The following CNTN5 variants were observed in gnomAD, a reference collection of about 807,000 sequenced individuals.
CNTN5 encodes contactin-5.
A neutral mutation model predicts 129.1 loss-of-function variants in CNTN5; 77 were observed. That is an observed-to-expected ratio of 0.60 (90% CI 0.50 to 0.72). The LOEUF is 0.72. Among genes scored for constraint, CNTN5 ranks in the 30% least tolerant of loss-of-function variants. The pLI is 0.00. For missense variants in CNTN5, 1,478 were observed against 1,328.8 expected (o/e 1.11, Z -1.75); for synonymous variants, 509 against 465.6 (o/e 1.09, Z -1.20).
intron 2 of CNTN5, among the ~76,000 whole-genome samples, chr11:99,537,779 C>T (rs115626773): frequency 6.6e-6 from 1 of 152,236 alleles, no homozygotes; most frequent in African/African-American, 2.4e-5. Flanking sequence ...GTTAGGAACA[C>T]AGTACCCCGT....
intron 3 of CNTN5, among the ~76,000 whole-genome samples, chr11:99,770,156 T>TA (rs1226568895): frequency 2.0e-5 from 3 of 152,132 alleles, no homozygotes; most frequent in African/African-American, 7.2e-5. Flanking sequence ...GTGATAATGC[T>TA]AAAAAAGTCA....
At chr11:100,232,296 T>C (rs567421140) in intron 16 of CNTN5, among the ~76,000 whole-genome samples, 98 of 152,180 alleles carry the variant, frequency 6.4e-4, no homozygotes, top group Non-Finnish European at 1.3e-3. Flanking sequence ...CAAGAGCTAC[T>C]GTGTGAAAAC....
At chr11:99,956,785 C>T in intron 7 of CNTN5, 21 bp from the exon 8 acceptor site, 1 of 1,604,570 alleles carries the variant, frequency 6.2e-7, no homozygotes, top group Non-Finnish European at 8.5e-7. Flanking sequence ...CTTTCGTTGA[C>T]CAAATTTTGT....
chr11:99,707,915 C>CA (rs1400612750), intron 3 of CNTN5, among the ~76,000 whole-genome samples: 5 of 151,450 alleles, frequency 3.3e-5, no homozygotes, highest in African/African-American at 1.2e-4. Context: ...AATAATAACA[C>CA]ACATAAATAC....
At position 99,598,329 on chromosome 11, in the gene CNTN5, CCTCTCT is replaced by C. The variant is rs1163753320; in HGVS notation, c.55+42100_55+42105del. On this transcript the variant is annotated intron_variant, in intron 3 of 24. Transcript: ENST00000524871. ...CTTTTCTTTTCTTTTCTTTTCTGTC[CCTCTCT>C]CTCTCTCTCTCTCTCTCTCTCTCTC... Among the ~76,000 whole-genome samples the C allele has an allele frequency of 3.2e-3, 41 of 12,654 alleles. 5 individuals are homozygous for C. The highest frequency in any genetic ancestry group is 0.012 in the African/African-American group (34 of 2,838). 8.3% of individuals were successfully genotyped at this position (12,654 alleles called of 152,430 possible). A position where few individuals can be genotyped will look rare whatever the true frequency, so the allele number is the denominator to read the frequency against.
chr11:99,153,245 T>A (rs1300694132), intron 1 of CNTN5, among the ~76,000 whole-genome samples: 1 of 152,170 alleles, frequency 6.6e-6, no homozygotes, highest in East Asian at 1.9e-4. Context: ...AGTTTCCAAG[T>A]TGGTTGCTTT....
At chr11:99,706,854 T>TA (rs1954777880) in intron 3 of CNTN5, among the ~76,000 whole-genome samples, 1 of 149,264 alleles carries the variant, frequency 6.7e-6, no homozygotes, top group Admixed American at 6.7e-5. Flanking sequence ...TTTTTTTTTT[T>TA]AAGCTATAAG....
intron 3 of CNTN5, among the ~76,000 whole-genome samples, chr11:99,612,989 G>A (rs1950636895): frequency 6.6e-6 from 1 of 152,128 alleles, no homozygotes; most frequent in African/African-American, 2.4e-5. Context: ...CCAGGGAATT[G>A]GCAGGTTTCA....
At chr11:99,971,413 C>T (rs1323767871) in intron 8 of CNTN5, among the ~76,000 whole-genome samples, 1 of 151,750 alleles carries the variant, frequency 6.6e-6, no homozygotes, top group Non-Finnish European at 1.5e-5. Context: ...CGTGGTGGTG[C>T]GCGCCTGTAG....
intron 8 of CNTN5, among the ~76,000 whole-genome samples, chr11:99,973,711 G>A (rs1937737106): frequency 6.6e-6 from 1 of 151,966 alleles, no homozygotes; most frequent in African/African-American, 2.4e-5. Context: ...ATCCTGCAAG[G>A]ATTCTGGATT....
intron 10 of CNTN5, among the ~76,000 whole-genome samples, chr11:100,063,827 C>T (rs552364168): frequency 4.6e-5 from 7 of 152,104 alleles, no homozygotes; most frequent in South Asian, 4.1e-4. Flanking sequence ...GTCAACGCTG[C>T]GGTGAACCAT....
chr11:99,348,213 C>T (rs1938039754), intron 2 of CNTN5, among the ~76,000 whole-genome samples: 1 of 152,104 alleles, frequency 6.6e-6, no homozygotes, highest in African/African-American at 2.4e-5. Context: ...GTGGCAGGCG[C>T]CTGTAGTTCC....
In CNTN5 at chr11:99,556,149, C is replaced by A; in HGVS notation, c.-66C>A. On this transcript the variant is annotated 5_prime_UTR_variant, in exon 3 of 25. Transcript: ENST00000524871. ...ATTGTTATCTATCTCAAACAGGGCA[C>A]TCTTTAATGAAGAAACACCAGAGCT... 1 of 903,820 alleles carries A rather than the reference C, an allele frequency of 1.1e-6. No individual in the cohort carries two copies. Among genetic ancestry groups the A allele is most frequent in the Non-Finnish European group, 1.6e-6 (1 of 612,622 alleles). The allele number at this position is 903,820 out of a possible 1,614,324, so 56.0% of individuals were successfully genotyped here.
At chr11:99,262,045 C>A (rs1348296862) in intron 1 of CNTN5, among the ~76,000 whole-genome samples, 1 of 151,966 alleles carries the variant, frequency 6.6e-6, no homozygotes, top group East Asian at 1.9e-4. Context: ...ATGCTTAAAC[C>A]ATACTGGTGA....
chr11:99,161,972 T>C lies in CNTN5; in HGVS notation c.-210+140702T>C, dbSNP rs115147198. 1.4e-3 allele frequency among the ~76,000 whole-genome samples: 206 copies of C among 152,306 alleles called. 2 individuals are homozygous for C. Among genetic ancestry groups the C allele is most frequent in the African/African-American group, 4.7e-3 (197 of 41,568 alleles). ...CTATGATGCCTTACCTAACATCCAT[T>C]TAGAATTAATCCCTCTTTGTGCTTA... On this transcript the variant is annotated intron_variant, in intron 1 of 24. Coordinates refer to ENST00000524871, the MANE Select transcript of CNTN5 (RefSeq NM_014361.4).
At chr11:100,070,586 T>C in intron 11 of CNTN5, 26 bp downstream of exon 11, 1 of 1,610,354 alleles carries the variant, frequency 6.2e-7, no homozygotes, top group East Asian at 2.2e-5. Flanking sequence ...ATTAACCTGT[T>C]CTGCTGTAAT....
chr11:100,021,767 G>T (rs764534495), intron 9 of CNTN5, among the ~76,000 whole-genome samples: 1 of 152,144 alleles, frequency 6.6e-6, no homozygotes, highest in African/African-American at 2.4e-5. Flanking sequence ...AAGGAAACCA[G>T]TCCAAGTCCC....
chr11:100,217,767 G>C (rs1244560951), intron 15 of CNTN5, among the ~76,000 whole-genome samples: 3 of 152,160 alleles, frequency 2.0e-5, no homozygotes, highest in Non-Finnish European at 4.4e-5. Flanking sequence ...CTATGGACCA[G>C]CTGTTATTCA....
chr11:99,986,889 A>G (rs774509660), intron 8 of CNTN5, among the ~76,000 whole-genome samples: 1 of 152,228 alleles, frequency 6.6e-6, no homozygotes, highest in Non-Finnish European at 1.5e-5. Context: ...AAGGGAATGA[A>G]AAAGAGAGAT....
Sources: allele counts gnomAD v4.1 joint callset (sites outside exome capture counted in the v4.1 genomes callset), GRCh38; gene constraint gnomAD v4.1.1; transcripts MANE v1.5; gene names NCBI Gene and HGNC (gene_info 2026-07-23, HGNC 2026-07-21).